B9D1: variants seen among roughly 807,000 people sequenced by gnomAD.
B9D1 encodes B9 domain containing 1.
In B9D1, 20 loss-of-function variants were observed where a neutral mutation model predicts 26.1. The ratio of observed to expected loss-of-function variants is 0.77; its 90% CI spans 0.54 to 1.12. The LOEUF is 1.12. Among genes scored for constraint, B9D1 ranks in the 50% most tolerant of loss-of-function variants. The probability of loss-of-function intolerance (pLI) is 0.00; values close to 1 mark genes in which losing one functional copy is unlikely to be tolerated. For synonymous variants in B9D1, 105 were observed against 103.1 expected, an observed-to-expected ratio of 1.02 and a Z score of -0.11; for missense variants, 260 against 273.7, an observed-to-expected ratio of 0.95 and a Z score of 0.35.
intron 5 of B9D1, among the ~76,000 whole-genome samples, chr17:19,345,857 G>A (rs1383130984): frequency 2.6e-5 from 4 of 152,234 alleles, no homozygotes; most frequent in African/African-American, 9.6e-5. Flanking sequence ...TGACCGAGGT[G>A]TCAGCCTGAG....
At position 19,360,398 on chromosome 17, in the gene B9D1, GCA is replaced by G. The variant is rs777649935; in HGVS notation, c.64-12_64-11del. On this transcript the variant is annotated splice_polypyrimidine_tract_variant and intron_variant, in intron 1 of 6. Transcript: ENST00000261499. ...CATCATACTCTGGAAACTGAAAAAA[GCA>G]CAGACAGATTCTGTCGACTGGTATT... is the stretch of plus-strand genomic sequence containing the variant. The G allele has an allele frequency of 1.2e-5, 19 of 1,613,144 alleles. No homozygotes were observed. The East Asian group carries it at 2.2e-4, about 19-fold the overall frequency.
chr17:19,368,149 T>A (rs1911695817), intron 1 of B9D1, among the ~76,000 whole-genome samples: 1 of 152,198 alleles, frequency 6.6e-6, no homozygotes, highest in African/African-American at 2.4e-5. Context: ...GGGCTCTCAG[T>A]TTCCATTATC....
intron 3 of B9D1, 51 bp downstream of exon 3, chr17:19,357,789 T>C (rs769632162): frequency 7.6e-7 from 1 of 1,311,664 alleles, no homozygotes; most frequent in South Asian, 1.2e-5. Context: ...GTCTTGGGGG[T>C]GCTGTGTGAA....
intron 3 of B9D1, among the ~76,000 whole-genome samples, chr17:19,354,974 A>G (rs1246510145): frequency 6.6e-6 from 1 of 152,142 alleles, no homozygotes; most frequent in Non-Finnish European, 1.5e-5. Flanking sequence ...TCATTTTTGA[A>G]AAGAATTGTA....
downstream of B9D1, among the ~76,000 whole-genome samples, chr17:19,342,293 G>C (rs1287045327): frequency 1.3e-5 from 2 of 152,186 alleles, no homozygotes; most frequent in Middle Eastern, 3.2e-3. Context: ...CAGTGAGTTG[G>C]GGGGAGGGCA....
chr17:19,353,134 C>A (rs1909858964), intron 3 of B9D1, among the ~76,000 whole-genome samples: 1 of 150,096 alleles, frequency 6.7e-6, no homozygotes, highest in African/African-American at 2.5e-5. Flanking sequence ...CACCACCACA[C>A]CTGGCTAATT....
In B9D1 at chr17:19,361,819, G is replaced by T. The variant is rs532942928; in HGVS notation, c.63+688C>A. On this transcript the variant is annotated intron_variant, in intron 1 of 6. Transcript: ENST00000261499. ...GAAGCTTTGAGGTCAGATAGGCGTG[G>T]GTTCAATTCCCAGACAGGCCAGTTC... Among the ~76,000 whole-genome samples, 9 of 152,326 alleles carry T rather than the reference G, an allele frequency of 5.9e-5. No homozygotes were observed. The South Asian group carries it at 1.2e-3, about 21-fold the overall frequency.
intron 1 of B9D1, among the ~76,000 whole-genome samples, chr17:19,369,122 C>G (rs1911749860): frequency 6.6e-6 from 1 of 152,136 alleles, no homozygotes. Context: ...TGGCAAAGAG[C>G]TAGCGAGGGA....
intron 5 of B9D1, among the ~76,000 whole-genome samples, chr17:19,345,023 G>A (rs761503394): frequency 6.6e-6 from 1 of 152,240 alleles, no homozygotes; most frequent in African/African-American, 2.4e-5. Flanking sequence ...TCCCCACTGT[G>A]CCCAGCAGAT....
At chr17:19,377,486 G>A (rs1467578325) in intron 1 of B9D1, among the ~76,000 whole-genome samples, 1 of 152,228 alleles carries the variant, frequency 6.6e-6, no homozygotes, top group Non-Finnish European at 1.5e-5. Context: ...GGGGAGGTAG[G>A]TACGAATATG....
chr17:19,338,829 C>T (rs1907673291), downstream of B9D1, among the ~76,000 whole-genome samples: 1 of 152,230 alleles, frequency 6.6e-6, no homozygotes, highest in Admixed American at 6.5e-5. Context: ...TAGCCAGAAT[C>T]AAGTGTAGCA....
chr17:19,340,354 TAG>T (rs1357011928), downstream of B9D1, among the ~76,000 whole-genome samples: 3 of 151,634 alleles, frequency 2.0e-5, no homozygotes, highest in East Asian at 4.0e-4. Context: ...GTATTTTTAG[TAG>T]AGACGGGGTT....
Position 19,375,781 on chromosome 17 carries a change from C to T in B9D1, c.-298+2078G>A, listed in dbSNP as rs144011694. The stretch of plus-strand genomic sequence containing the variant: ...GGTGTTGGTGAGGATGTGGAGAAAT[C>T]GGAACTCTTAAATATTGCTGGTGAA... On this transcript the variant is annotated intron_variant, in intron 1 of 5. Transcript: ENST00000477478. Among the ~76,000 whole-genome samples the T allele has an allele frequency of 2.9e-3, 440 of 152,220 alleles. 3 individuals carry two copies. Among genetic ancestry groups the T allele is most frequent in the Non-Finnish European group, 4.5e-3 (309 of 68,006 alleles).
chr17:19,338,792 A>G (rs1418045803), downstream of B9D1, among the ~76,000 whole-genome samples: 1 of 152,234 alleles, frequency 6.6e-6, no homozygotes, highest in African/African-American at 2.4e-5. Flanking sequence ...GTGAGTAATC[A>G]TCTTGGTCAG....
rs773893130 is a variant in B9D1, at chr17:19,347,257, T to C, written c.404+12A>G. 1.2e-6 allele frequency: 2 copies of C among 1,614,208 alleles called. No individual in the cohort carries two copies. Among genetic ancestry groups the C allele is most frequent in the South Asian group, 2.2e-5 (2 of 91,088 alleles). ...GATCAGGAGGGGCTGGGGTTATGGG[T>C]ACAAAACTCACCTTGTAAACTTCTG... On this transcript the variant is annotated intron_variant, in intron 5 of 6. Transcript: ENST00000261499. This position sits in a 1 kb window ranked among gnomAD's most constrained non-coding sequence, Gnocchi z 4.3.
chr17:19,338,519 C>T (rs933265833), downstream of B9D1, among the ~76,000 whole-genome samples: 1 of 152,210 alleles, frequency 6.6e-6, no homozygotes, highest in Non-Finnish European at 1.5e-5. Context: ...CAGAGTGTTA[C>T]TTTGGTGGCC....
chr17:19,341,155 T>C (rs1325781824), downstream of B9D1: 4 of 1,230,616 alleles, frequency 3.3e-6, no homozygotes, highest in Middle Eastern at 3.1e-4. Context: ...GGTGACTTAG[T>C]ATTTCCCAGC....
At chr17:19,375,017 C>T (rs980719108) in intron 1 of B9D1, among the ~76,000 whole-genome samples, 8 of 152,168 alleles carry the variant, frequency 5.3e-5, no homozygotes, top group Non-Finnish European at 7.3e-5. Context: ...AGGGCTGATG[C>T]GGTGGCTCAT....
chr17:19,357,731 G>C (rs1366521915), intron 3 of B9D1, 109 bp downstream of exon 3: 1 of 832,700 alleles, frequency 1.2e-6, no homozygotes, highest in African/African-American at 1.7e-5. Context: ...CAAGAGCCCA[G>C]GTGACAATCT....
Sources: gnomAD v4.1 joint callset for allele counts (sites outside exome capture counted in the v4.1 genomes callset) on GRCh38, gnomAD v4.1.1 for gene constraint, Gnocchi (gnomAD v3.1) non-coding constraint, MANE v1.5 for transcripts, NCBI Gene and HGNC (gene_info 2026-07-23, HGNC 2026-07-21) for gene names.